Variants in TAMM41 observed in about 807,000 individuals in gnomAD.
TAMM41 encodes phosphatidate cytidylyltransferase, mitochondrial.
Under a neutral mutation model 44.1 loss-of-function variants are expected in TAMM41, and 36 were observed. The ratio of observed to expected loss-of-function variants is 0.82; its 90% CI spans 0.63 to 1.08. The LOEUF (loss-of-function observed/expected upper bound fraction) is 1.08, where lower values mean the gene tolerates loss of function less well. Among genes scored for constraint, TAMM41 ranks in the 50% least tolerant of loss-of-function variants. The probability of loss-of-function intolerance (pLI) is 0.00; values close to 1 mark genes in which losing one functional copy is unlikely to be tolerated. For missense variants in TAMM41, 417 were observed against 404.3 expected (o/e 1.03, Z -0.27); for synonymous variants, 164 against 153.1 (o/e 1.07, Z -0.53).
intron 4 of TAMM41, among the ~76,000 whole-genome samples, chr3:11,825,578 C>T (rs930554565): frequency 3.3e-5 from 5 of 152,272 alleles, no homozygotes; most frequent in African/African-American, 4.8e-5. Flanking sequence ...TTTTTTTCCC[C>T]AAGAATCACT....
chr3:11,774,784 TG>T, the TAMM41 span, among the ~76,000 whole-genome samples: 1 of 152,136 alleles, frequency 6.6e-6, no homozygotes, highest in Non-Finnish European at 1.5e-5. Context: ...AGGATCTCCC[TG>T]GGTCTTGCTG....
chr3:11,735,866 G>T, the TAMM41 span, among the ~76,000 whole-genome samples: 2 of 152,134 alleles, frequency 1.3e-5, no homozygotes, highest in Non-Finnish European at 2.9e-5. Context: ...AGGCTCAGAG[G>T]TAGGGGAGTA....
the TAMM41 span, among the ~76,000 whole-genome samples, chr3:11,772,763 C>CTG: frequency 1.1e-4 from 16 of 152,166 alleles, no homozygotes; most frequent in African/African-American, 3.4e-4. Context: ...TAGAGTTGTC[C>CTG]TCCTTTATTA....
At chr3:11,735,245 C>A in the TAMM41 span, among the ~76,000 whole-genome samples, 1 of 152,052 alleles carries the variant, frequency 6.6e-6, no homozygotes, top group South Asian at 2.1e-4. Context: ...GTAGTCCCAG[C>A]TACTCTGGAG....
intron 7 of TAMM41, among the ~76,000 whole-genome samples, chr3:11,798,187 A>G (rs2077656759): frequency 6.6e-6 from 1 of 152,236 alleles, no homozygotes; most frequent in African/African-American, 2.4e-5. Flanking sequence ...TATCACAAGG[A>G]CACATGCATA....
chr3:11,767,626 A>ATTTTTTTTTTGTTTTTTTTTTTTTTTT, the TAMM41 span, among the ~76,000 whole-genome samples: 1 of 60,692 alleles, frequency 1.6e-5, no homozygotes, highest in Non-Finnish European at 3.1e-5. Flanking sequence ...CACGTTGTGC[A>ATTTTTTTTTTGTTTTTTTTTTTTTTTT]TTTTTTTTTT....
the TAMM41 span, among the ~76,000 whole-genome samples, chr3:11,777,252 A>AT: frequency 3.3e-5 from 5 of 152,052 alleles, no homozygotes; most frequent in East Asian, 1.9e-4. Context: ...AATACATATA[A>AT]TTTTTTTTGT....
Position 11,817,200 on chromosome 3 carries a change from A to G in TAMM41, c.700T>C (p.Trp234Arg). Residue 234 changes from tryptophan (W) to arginine (R), a missense_variant, in exon 5 of 8, where the codon TGG becomes CGG. Coordinates refer to ENST00000455809, the MANE Select transcript of TAMM41 (RefSeq NM_001284401.2). ...PQVVYKSQQGWLEIDKSPEGQ... is the reference protein window; with the variant it reads ...PQVVYKSQQGRLEIDKSPEGQ... ...TTTCCACATACAGTTACCTCCAGCC[A>G]GCCTTGCTGGCTTTTATACACCACT... 6.2e-7 allele frequency: 1 copy of G among 1,610,768 alleles called. No individual in the cohort carries two copies. Among genetic ancestry groups the G allele is most frequent in the Non-Finnish European group, 8.5e-7 (1 of 1,177,560 alleles).
the TAMM41 span, among the ~76,000 whole-genome samples, chr3:11,758,902 G>GACCTCGTGATCC: frequency 1.3e-5 from 2 of 151,674 alleles, no homozygotes; most frequent in Middle Eastern, 6.9e-3. Context: ...TTGAACTCCT[G>GACCTCGTGATCC]ACCTCGTGAT....
intron 4 of TAMM41, 31 bp downstream of exon 4, chr3:11,829,683 T>A (rs370965922): frequency 1.9e-5 from 31 of 1,611,914 alleles, no homozygotes; most frequent in Middle Eastern, 1.6e-4. Context: ...ATCTCTCCCT[T>A]GTAGAACATC....
chr3:11,722,491 A>G, the TAMM41 span, among the ~76,000 whole-genome samples: 1 of 152,238 alleles, frequency 6.6e-6, no homozygotes, highest in Admixed American at 6.5e-5. Flanking sequence ...ATACAGATGC[A>G]TCTTGACAAT....
chr3:11,736,854 C>G, the TAMM41 span, among the ~76,000 whole-genome samples: 1 of 152,114 alleles, frequency 6.6e-6, no homozygotes, highest in African/African-American at 2.4e-5. Context: ...TCTACAGAAG[C>G]CAAAGGGAGC....
At chr3:11,729,521 CTTTCTTTTCTTTCTTTCATTTTTTTTTTT>C in the TAMM41 span, among the ~76,000 whole-genome samples, 2 of 93,966 alleles carry the variant, frequency 2.1e-5, no homozygotes, top group Non-Finnish European at 4.6e-5. Flanking sequence ...TTCTTTCTTT[CTTTCTTTTCTTTCTTTCATTTTTTTTTTT>C]TTTTTTTTTT....
the TAMM41 span, among the ~76,000 whole-genome samples, chr3:11,775,164 C>G: frequency 6.6e-6 from 1 of 152,088 alleles, no homozygotes; most frequent in Non-Finnish European, 1.5e-5. Context: ...CCGCGCCTGG[C>G]CTTTTTTAAT....
At chr3:11,730,871 C>T in the TAMM41 span, among the ~76,000 whole-genome samples, 1 of 152,312 alleles carries the variant, frequency 6.6e-6, no homozygotes, top group East Asian at 1.9e-4. Context: ...CTGGAATTTG[C>T]TGGGGTTCGA....
the TAMM41 span, among the ~76,000 whole-genome samples, chr3:11,776,106 C>T: frequency 6.6e-6 from 1 of 151,298 alleles, no homozygotes; most frequent in Non-Finnish European, 1.5e-5. Context: ...CTCCGCCTCC[C>T]AGGTTCATGC....
At chr3:11,768,763 C>G in the TAMM41 span, among the ~76,000 whole-genome samples, 1 of 152,156 alleles carries the variant, frequency 6.6e-6, no homozygotes, top group African/African-American at 2.4e-5. Context: ...TTCCTGATTT[C>G]CAGTAGCTCA....
At chr3:11,729,822 A>G in the TAMM41 span, among the ~76,000 whole-genome samples, 1 of 151,726 alleles carries the variant, frequency 6.6e-6, no homozygotes, top group Non-Finnish European at 1.5e-5. Context: ...GGAGGGAGGG[A>G]AGGAGGGAAG....
intron 4 of TAMM41, among the ~76,000 whole-genome samples, chr3:11,821,875 C>A (rs1449562552): frequency 2.6e-5 from 4 of 152,090 alleles, no homozygotes; most frequent in Non-Finnish European, 4.4e-5. Flanking sequence ...CAAAATACCC[C>A]CAAACCTGGA....
Sources: allele counts gnomAD v4.1 joint callset (sites outside exome capture counted in the v4.1 genomes callset), GRCh38; gene constraint gnomAD v4.1.1; transcripts MANE v1.5; gene names NCBI Gene and HGNC (gene_info 2026-07-23, HGNC 2026-07-21).